PCSK5: variants seen among roughly 807,000 people sequenced by gnomAD.
PCSK5 encodes prohormone convertase 5.
A neutral mutation model predicts 233.2 loss-of-function variants in PCSK5; 129 were observed. The ratio of observed to expected loss-of-function variants is 0.55; its 90% CI spans 0.48 to 0.64. The LOEUF (loss-of-function observed/expected upper bound fraction) is 0.64, where lower values mean the gene tolerates loss of function less well. Among genes scored for constraint, PCSK5 ranks in the 30% least tolerant of loss-of-function variants. The probability of loss-of-function intolerance (pLI) is 0.00; values close to 1 mark genes in which losing one functional copy is unlikely to be tolerated. For missense variants in PCSK5, 2,076 were observed against 2,430.1 expected (o/e 0.85, Z 3.06); for synonymous variants, 825 against 879.2 (o/e 0.94, Z 1.09).
At chr9:76,189,319 A>G in intron 19 of PCSK5, 96 bp downstream of exon 19, 4 of 1,058,562 alleles carry the variant, frequency 3.8e-6, no homozygotes, top group Admixed American at 2.0e-5. Flanking sequence ...ATTTGTAATG[A>G]TAACACTAGG....
intron 17 of PCSK5, among the ~76,000 whole-genome samples, chr9:76,186,932 C>G (rs1248819830): frequency 2.0e-5 from 3 of 151,996 alleles, no homozygotes; most frequent in Non-Finnish European, 2.9e-5. Flanking sequence ...CCTTGAGGCC[C>G]CTTGCATTTT....
intron 2 of PCSK5, among the ~76,000 whole-genome samples, chr9:75,941,891 G>C (rs1013506385): frequency 6.6e-6 from 1 of 152,186 alleles, no homozygotes; most frequent in South Asian, 2.1e-4. Flanking sequence ...GTACGCTGCT[G>C]GAATATCTGA....
intron 5 of PCSK5, among the ~76,000 whole-genome samples, chr9:76,034,994 A>G (rs902307492): frequency 3.3e-5 from 5 of 152,226 alleles, no homozygotes; most frequent in Middle Eastern, 3.4e-3. Context: ...TCTGCTCTGT[A>G]TCCCAGAAGG....
Position 76,332,508 on chromosome 9 carries a change from GCT to G in PCSK5, c.4649_4650del (p.Ser1550LeufsTer5), listed in dbSNP as rs1278178707. On this transcript the variant is annotated frameshift_variant, in exon 34 of 38. Transcript: ENST00000674117. LOFTEE classifies it high-confidence loss of function. ...AGCAACCGGTGTGCCCACTGCCACAGCTCTTGCAGGACATGTGAAGGGAGACA... is the reference window on the plus strand; with the variant it reads ...AGCAACCGGTGTGCCCACTGCCACAGCTTGCAGGACATGTGAAGGGAGACA... The G allele has an allele frequency of 6.2e-7, 1 of 1,612,414 alleles. No individual in the cohort carries two copies. Among genetic ancestry groups the G allele is most frequent in the Non-Finnish European group, 8.5e-7 (1 of 1,179,588 alleles).
intron 5 of PCSK5, among the ~76,000 whole-genome samples, chr9:76,034,651 G>A (rs1002296291): frequency 1.3e-5 from 2 of 151,932 alleles, no homozygotes; most frequent in African/African-American, 2.4e-5. Context: ...CTCTCATCCC[G>A]CATGGTATGA....
intron 24 of PCSK5, among the ~76,000 whole-genome samples, chr9:76,270,946 C>T (rs149918194): frequency 7.9e-5 from 12 of 152,240 alleles, no homozygotes; most frequent in African/African-American, 2.6e-4. Context: ...GCTCAGTTTA[C>T]TCACCCCTAA....
chr9:76,210,719 G>C (rs1825296436), intron 20 of PCSK5, among the ~76,000 whole-genome samples: 1 of 152,216 alleles, frequency 6.6e-6, no homozygotes, highest in Non-Finnish European at 1.5e-5. Context: ...GCTACAGAAT[G>C]AATGACAGAA....
intron 30 of PCSK5, among the ~76,000 whole-genome samples, chr9:76,312,367 G>A (rs1314490133): frequency 1.3e-5 from 2 of 152,036 alleles, no homozygotes; most frequent in African/African-American, 4.8e-5. Context: ...AAATTAGCCA[G>A]GCATGGTGTC....
At chr9:75,893,934 TATC>T (rs377556968) in intron 1 of PCSK5, among the ~76,000 whole-genome samples, 68 of 152,302 alleles carry the variant, frequency 4.5e-4, no homozygotes, top group African/African-American at 1.6e-3. Context: ...ACACGTGCAA[TATC>T]ATTGCACTGT....
intron 2 of PCSK5, among the ~76,000 whole-genome samples, chr9:75,985,028 T>G (rs1587459476): frequency 6.6e-6 from 1 of 152,194 alleles, no homozygotes; most frequent in Non-Finnish European, 1.5e-5. Context: ...ACTCATTTTT[T>G]AATTCCTTTG....
At chr9:76,198,722 C>T (rs967641812) in intron 20 of PCSK5, among the ~76,000 whole-genome samples, 10 of 152,128 alleles carry the variant, frequency 6.6e-5, no homozygotes, top group Non-Finnish European at 1.3e-4. Flanking sequence ...ATTGAGTCCC[C>T]GCCACAAACT....
chr9:75,961,686 A>T (rs1392540344), intron 2 of PCSK5, among the ~76,000 whole-genome samples: 2 of 152,212 alleles, frequency 1.3e-5, no homozygotes, highest in African/African-American at 2.4e-5. Flanking sequence ...TGGCATCCAA[A>T]CTGAGATGTG....
chr9:75,983,977 G>C (rs935937160), intron 2 of PCSK5, among the ~76,000 whole-genome samples: 1 of 151,862 alleles, frequency 6.6e-6, no homozygotes, highest in African/African-American at 2.4e-5. Context: ...CATGGTATTT[G>C]ACACTAAAAA....
At chr9:76,027,184 C>A in intron 5 of PCSK5, 147 bp downstream of exon 5, 1 of 562,600 alleles carries the variant, frequency 1.8e-6, no homozygotes, top group Admixed American at 3.3e-5. Context: ...TCCACTGAAG[C>A]CTCTGAGTAA....
chr9:75,942,882 C>CTTTTTTTTTTTTTTT (rs35508069), intron 2 of PCSK5, among the ~76,000 whole-genome samples: 1 of 112,952 alleles, frequency 8.9e-6, no homozygotes, highest in African/African-American at 3.3e-5. Context: ...TTTTCTTCTT[C>CTTTTTTTTTTTTTTT]TTCTTTTTTT....
chr9:75,905,874 T>G lies in PCSK5; in HGVS notation c.192+14501T>G, dbSNP rs111944523. Among the ~76,000 whole-genome samples, 1,014 of 152,292 alleles carry G rather than the reference T, an allele frequency of 6.7e-3. 4 individuals carry two copies. Among genetic ancestry groups the G allele is most frequent in the African/African-American group, 0.015 (623 of 41,546 alleles). On this transcript the variant is annotated intron_variant, in intron 1 of 37. Coordinates refer to ENST00000674117, the MANE Select transcript of PCSK5 (RefSeq NM_001372043.1). ...CCCCTCCCCTGTCCATGGAAAAATT[T>G]TCTTCCGTGAAACCGGTCCCTGGTG...
At chr9:75,958,976 G>A (rs891210367) in intron 2 of PCSK5, among the ~76,000 whole-genome samples, 1 of 152,122 alleles carries the variant, frequency 6.6e-6, no homozygotes, top group Non-Finnish European at 1.5e-5. Flanking sequence ...TTCCTTCAAA[G>A]GTCTAACCTT....
intron 20 of PCSK5, chr9:76,193,584 G>C (rs1192951899): frequency 4.6e-6 from 2 of 433,918 alleles, no homozygotes; most frequent in Non-Finnish European, 8.1e-6. Context: ...TTATAACTGG[G>C]TGTTTAGTGC....
At chr9:76,294,814 T>C (rs918573933) in intron 25 of PCSK5, among the ~76,000 whole-genome samples, 1 of 151,658 alleles carries the variant, frequency 6.6e-6, no homozygotes, top group African/African-American at 2.4e-5. Flanking sequence ...GGTTGAGGGG[T>C]GCATAACAGA....
Sources: gnomAD v4.1 joint callset for allele counts (sites outside exome capture counted in the v4.1 genomes callset) on GRCh38, gnomAD v4.1.1 for gene constraint, MANE v1.5 for transcripts, NCBI Gene and HGNC (gene_info 2026-07-23, HGNC 2026-07-21) for gene names.